DYM: variants seen among roughly 807,000 people sequenced by gnomAD.
DYM encodes the protein dyggve-Melchior-Clausen syndrome protein.
In DYM, 78 loss-of-function variants were observed where a neutral mutation model predicts 93.1. The ratio of observed to expected loss-of-function variants is 0.84; its 90% CI spans 0.70 to 1.01. The LOEUF (loss-of-function observed/expected upper bound fraction) is 1.01, where lower values mean the gene tolerates loss of function less well. Ranked by LOEUF, DYM falls within the 50% of genes least tolerant of loss-of-function variation. The pLI, the probability that DYM is intolerant of heterozygous loss-of-function variation, is 0.00. For missense variants in DYM, 789 were observed against 845.0 expected (o/e 0.93, Z 0.82); for synonymous variants, 321 against 319.7 (o/e 1.00, Z -0.04).
chr18:49,084,969 TTTC>T (rs1378429975), intron 17 of DYM, among the ~76,000 whole-genome samples: 3 of 152,226 alleles, frequency 2.0e-5, no homozygotes, highest in African/African-American at 7.2e-5. Flanking sequence ...GCAATGACCA[TTTC>T]TTGATATGAA....
At position 49,262,015 on chromosome 18, in the gene DYM, C is replaced by A. The variant is rs372590243; in HGVS notation, c.1252-3522G>T. Among the ~76,000 whole-genome samples, 3 of 152,250 alleles carry A rather than the reference C, an allele frequency of 2.0e-5. No homozygotes were observed. The South Asian group carries it at 6.2e-4, about 32-fold the overall frequency. ...ATGTATTAGAATGAATGGTTTCCCC[C>A]CAAATCTATGTCATTCAAAACTTGT... On this transcript the variant is annotated intron_variant, in intron 11 of 17. Coordinates refer to ENST00000675505, the MANE Select transcript of DYM (RefSeq NM_001353214.3).
At chr18:49,244,459 G>A (rs547565503) in intron 13 of DYM, among the ~76,000 whole-genome samples, 3 of 152,274 alleles carry the variant, frequency 2.0e-5, no homozygotes, top group African/African-American at 7.2e-5. Context: ...AAACGACCAA[G>A]TACACAAATT....
intron 14 of DYM, among the ~76,000 whole-genome samples, chr18:49,208,965 C>T (rs886314263): frequency 2.6e-5 from 4 of 152,184 alleles, no homozygotes; most frequent in Non-Finnish European, 5.9e-5. Context: ...TCTTACTCCA[C>T]TGACCCCCAT....
At chr18:49,156,710 C>A (rs1008644393) in intron 15 of DYM, among the ~76,000 whole-genome samples, 2 of 131,224 alleles carry the variant, frequency 1.5e-5, no homozygotes, top group Admixed American at 8.8e-5. Flanking sequence ...CCAGCCTGGG[C>A]GACAGAGTGA....
intron 13 of DYM, among the ~76,000 whole-genome samples, chr18:49,240,225 C>A (rs146875334): frequency 6.6e-6 from 1 of 152,256 alleles, no homozygotes; most frequent in African/African-American, 2.4e-5. Context: ...TCCACTCTAC[C>A]TATCTCATCC....
intron 3 of DYM, among the ~76,000 whole-genome samples, chr18:49,385,196 T>G (rs1478664685): frequency 6.6e-6 from 1 of 152,112 alleles, no homozygotes; most frequent in Non-Finnish European, 1.5e-5. Context: ...GCCAAAGGGC[T>G]AAAGAGCACA....
At chr18:49,186,069 C>T (rs1241741993) in intron 14 of DYM, among the ~76,000 whole-genome samples, 1 of 152,090 alleles carries the variant, frequency 6.6e-6, no homozygotes, top group African/African-American at 2.4e-5. Context: ...AATGGGATAA[C>T]CACATCTTGA....
intron 13 of DYM, among the ~76,000 whole-genome samples, chr18:49,225,488 A>T (rs780619293): frequency 3.4e-4 from 51 of 152,100 alleles, no homozygotes; most frequent in Non-Finnish European, 6.6e-4. Context: ...ACTAGCTCAA[A>T]GGGGATGAAA....
At chr18:49,080,435 GCTC>G (rs1297081262) in intron 17 of DYM, among the ~76,000 whole-genome samples, 2 of 128,884 alleles carry the variant, frequency 1.6e-5, no homozygotes, top group Non-Finnish European at 3.3e-5. Flanking sequence ...CGGCAGAGGG[GCTC>G]CTCACTTCCC....
At chr18:49,277,528 A>G (rs940137946) in intron 10 of DYM, among the ~76,000 whole-genome samples, 12 of 152,116 alleles carry the variant, frequency 7.9e-5, no homozygotes, top group African/African-American at 2.9e-4. Context: ...ATGGGACACT[A>G]TTAAGAGGTG....
chr18:49,253,326 T>C (rs9966201), intron 13 of DYM, among the ~76,000 whole-genome samples: 3,899 of 152,296 alleles, frequency 0.026, 159 homozygotes, highest in African/African-American at 0.088. Flanking sequence ...CTTCTGGGTA[T>C]CTAAACAGTT....
At chr18:49,086,757 G>A (rs1253978643) in intron 17 of DYM, among the ~76,000 whole-genome samples, 1 of 152,104 alleles carries the variant, frequency 6.6e-6, no homozygotes, top group Non-Finnish European at 1.5e-5. Context: ...GGAGGCTAAG[G>A]TGGGTGGATC....
intron 17 of DYM, among the ~76,000 whole-genome samples, chr18:49,082,042 T>C (rs2078093594): frequency 1.3e-5 from 2 of 152,252 alleles, no homozygotes; most frequent in South Asian, 2.1e-4. Context: ...TTCAGAGATG[T>C]AGACAGGCAG....
At chr18:49,207,598 A>G (rs2092581718) in intron 14 of DYM, among the ~76,000 whole-genome samples, 1 of 152,230 alleles carries the variant, frequency 6.6e-6, no homozygotes, top group Non-Finnish European at 1.5e-5. Context: ...TGAAGCTATT[A>G]TAAAGACTGA....
intron 17 of DYM, among the ~76,000 whole-genome samples, chr18:49,090,920 G>C (rs2078991754): frequency 6.6e-6 from 1 of 152,200 alleles, no homozygotes; most frequent in African/African-American, 2.4e-5. Flanking sequence ...CTTCACAGTA[G>C]GGTTTTGTAG....
chr18:49,191,230 A>C (rs948641293), intron 14 of DYM, among the ~76,000 whole-genome samples: 1 of 152,184 alleles, frequency 6.6e-6, no homozygotes, highest in South Asian at 2.1e-4. Context: ...TAGTAACTAA[A>C]CAGAAGAATG....
intron 5 of DYM, among the ~76,000 whole-genome samples, chr18:49,364,597 CCTGG>C (rs2066337923): frequency 6.6e-6 from 1 of 152,174 alleles, no homozygotes; most frequent in Admixed American, 6.5e-5. Context: ...CTTTCACTCT[CCTGG>C]CTTAGATCTT....
At chr18:49,063,655 T>C (rs2144700487) in intron 17 of DYM, among the ~76,000 whole-genome samples, 1 of 143,222 alleles carries the variant, frequency 7.0e-6, no homozygotes, top group South Asian at 2.2e-4. Flanking sequence ...AGACAGAGTT[T>C]AGCTCTTGTC....
chr18:49,289,735 A>ATATATATATATATATATGTGTG (rs2059929679), intron 8 of DYM, among the ~76,000 whole-genome samples: 1 of 13,954 alleles, frequency 7.2e-5, no homozygotes, highest in Non-Finnish European at 1.9e-4. Flanking sequence ...GTGTATATAT[A>ATATATATATATATATATGTGTG]TATATATATA....
Sources: gnomAD v4.1 joint callset for allele counts (sites outside exome capture counted in the v4.1 genomes callset) on GRCh38, gnomAD v4.1.1 for gene constraint, MANE v1.5 for transcripts, NCBI Gene and HGNC (gene_info 2026-07-23, HGNC 2026-07-21) for gene names.